The following CXXC5 variants were observed in gnomAD, a reference collection of about 807,000 sequenced individuals.
CXXC5 encodes CXXC-type zinc finger protein 5.
A neutral mutation model predicts 17.6 loss-of-function variants in CXXC5; 2 were observed. The ratio of observed to expected loss-of-function variants is 0.11; its 90% CI spans 0.05 to 0.36. The LOEUF (loss-of-function observed/expected upper bound fraction) is 0.36. Among genes scored for constraint, CXXC5 ranks in the 10% least tolerant of loss-of-function variants. The pLI is 1.00. For synonymous variants in CXXC5, 171 were observed against 193.0 expected (o/e 0.89, Z 0.94); for missense variants, 343 against 458.3 (o/e 0.75, Z 2.30).
At chr5:139,647,580 C>T (rs1343252869), upstream of CXXC5, 1 of 152,234 alleles carries the variant, frequency 6.6e-6, no homozygotes, top group Non-Finnish European at 1.5e-5. Context: ...AGTTTTCCTT[C>T]TGTCTTTCAA....
At chr5:139,651,457 G>A (rs951017039) in intron 1 of CXXC5, among the ~76,000 whole-genome samples, 28 of 152,266 alleles carry the variant, frequency 1.8e-4, no homozygotes, top group Admixed American at 1.6e-3. Context: ...GCCAGCACAG[G>A]CCCATGTTCC....
rs751594483 is a variant in CXXC5, at chr5:139,681,494, G to A, written c.924+47G>A. On this transcript the variant is annotated intron_variant, in intron 2 of 2. Transcript: ENST00000302517. ...GTGTGTGGGCTCTTGTGTCTGTCTGGCAGTCCAAACCCACCCCCATCCCCT... is the reference window on the plus strand; with the variant it reads ...GTGTGTGGGCTCTTGTGTCTGTCTGACAGTCCAAACCCACCCCCATCCCCT... 4 of 1,522,610 alleles carry A rather than the reference G, an allele frequency of 2.6e-6. No homozygotes were observed. The South Asian group carries it at 5.3e-5, about 20-fold the overall frequency. The allele number at this position is 1,522,610 out of a possible 1,614,324, so 94.3% of individuals were successfully genotyped here.
rs1757386238 is a variant in CXXC5, at chr5:139,683,667, G to C, written c.*760G>C. 2.0e-5 allele frequency: 3 copies of C among 152,672 alleles called. No homozygotes were observed. Among genetic ancestry groups the C allele is most frequent in the Middle Eastern group, 6.8e-3 (2 of 294 alleles). 9.5% of individuals were successfully genotyped at this position (152,672 alleles called of 1,614,324 possible). ...TCCAATCCTGGCTACTTTTCTTAGA[G>C]AAAATAAGTCCTTTTTTTCTGGCCT... On this transcript the variant is annotated 3_prime_UTR_variant, in exon 3 of 3. Transcript: ENST00000302517.
chr5:139,673,496 G>A (rs1307795390), intron 1 of CXXC5, among the ~76,000 whole-genome samples: 2 of 152,152 alleles, frequency 1.3e-5, no homozygotes, highest in Non-Finnish European at 2.9e-5. Flanking sequence ...GTGTTGCTGT[G>A]CATGAATGGG....
rs1161464990 is a variant in CXXC5 at position 139,668,206 on chromosome 5, A to C, written c.-160-12158A>C. On this transcript the variant is annotated intron_variant, in intron 1 of 2. Transcript: ENST00000302517. The surrounding 1 kb of genome is among the most constrained non-coding windows in gnomAD (Gnocchi z 4.1). ...TCATTTATGAGGCAAAAATGAAACC[A>C]ATTAAGGACAAACTTTGAAAGCCTC... Among the ~76,000 whole-genome samples, 1 of 152,002 alleles carries C rather than the reference A, an allele frequency of 6.6e-6. No individual in the cohort carries two copies. Among genetic ancestry groups the C allele is most frequent in the Non-Finnish European group, 1.5e-5 (1 of 68,010 alleles).
At chr5:139,667,143 T>C (rs1756153278) in intron 1 of CXXC5, among the ~76,000 whole-genome samples, 1 of 152,216 alleles carries the variant, frequency 6.6e-6, no homozygotes. Flanking sequence ...TCTGTAGTTC[T>C]GGGTTTCTTC....
At chr5:139,680,294 G>C (rs952914578) in intron 1 of CXXC5, 70 bp from the exon 2 acceptor site, 3 of 594,574 alleles carry the variant, frequency 5.0e-6, no homozygotes, top group African/African-American at 3.7e-5. Flanking sequence ...ACCGTTGATA[G>C]TGGCGGTGGT....
chr5:139,661,107 C>T lies in CXXC5; in HGVS notation c.-161+12262C>T, dbSNP rs905085903. Among the ~76,000 whole-genome samples the T allele has an allele frequency of 6.6e-6, 1 of 152,208 alleles. No individual in the cohort carries two copies. The highest frequency in any genetic ancestry group is 2.4e-5 in the African/African-American group (1 of 41,450). On this transcript the variant is annotated intron_variant, in intron 1 of 2. Coordinates refer to ENST00000302517, the MANE Select transcript of CXXC5 (RefSeq NM_016463.9). The surrounding 1 kb of genome is among the most constrained non-coding windows in gnomAD (Gnocchi z 4.7). ...CATGCTCTTCCCCATGCTGCAGCCT[C>T]CCCTTTTCAGAGGCCTGGGGAAGCA...
chr5:139,647,658 A>C (rs1754943387), upstream of CXXC5, among the ~76,000 whole-genome samples: 1 of 152,332 alleles, frequency 6.6e-6, no homozygotes, highest in Non-Finnish European at 1.5e-5. Flanking sequence ...CCATGGTCTC[A>C]GGGCACCAAA....
intron 1 of CXXC5, among the ~76,000 whole-genome samples, chr5:139,666,154 G>T (rs1382120662): frequency 6.6e-6 from 1 of 152,202 alleles, no homozygotes; most frequent in Non-Finnish European, 1.5e-5. Context: ...CCTCCAGCAG[G>T]GTGGAGCAGA....
At chr5:139,652,105 C>T (rs989741125) in intron 1 of CXXC5, among the ~76,000 whole-genome samples, 4 of 151,492 alleles carry the variant, frequency 2.6e-5, no homozygotes, top group Admixed American at 6.6e-5. Flanking sequence ...TTCTGGGGCT[C>T]TCCCTCTCTT....
chr5:139,671,196 G>T (rs532551250), intron 1 of CXXC5, among the ~76,000 whole-genome samples: 2 of 152,246 alleles, frequency 1.3e-5, no homozygotes, highest in South Asian at 4.1e-4. Flanking sequence ...GTGGGATGGG[G>T]CGGGGGGTTC....
chr5:139,656,864 A>G (rs1306181648), intron 1 of CXXC5, among the ~76,000 whole-genome samples: 1 of 152,152 alleles, frequency 6.6e-6, no homozygotes, highest in Non-Finnish European at 1.5e-5. Context: ...AGCTGGGATT[A>G]CAGGTGTGCG....
At chr5:139,676,145 C>T (rs1323429847) in intron 1 of CXXC5, among the ~76,000 whole-genome samples, 2 of 147,298 alleles carry the variant, frequency 1.4e-5, no homozygotes, top group Non-Finnish European at 3.0e-5. Flanking sequence ...CCCCAGCCTC[C>T]TCCCCACCTC....
rs1409997038 is a variant in CXXC5, at chr5:139,668,866, T to C, written c.-160-11498T>C. Among the ~76,000 whole-genome samples, 1 of 151,978 alleles carries C rather than the reference T, an allele frequency of 6.6e-6. No individual in the cohort carries two copies. The highest frequency in any genetic ancestry group is 2.4e-5 in the African/African-American group (1 of 41,388). On this transcript the variant is annotated intron_variant, in intron 1 of 2. Coordinates refer to ENST00000302517, the MANE Select transcript of CXXC5 (RefSeq NM_016463.9). This position sits in a 1 kb window ranked among gnomAD's most constrained non-coding sequence, Gnocchi z 4.1. ...ACAAACACAGTGACCTTATGTAGAG[T>C]CCTTAGCCTCGGTTTCCCCGTTTGT...
In CXXC5 at chr5:139,661,186, C is replaced by A. The variant is rs1048390731; in HGVS notation, c.-161+12341C>A. ...GCCGCGGCTGCCCGCGCCGCCCCCC[C>A]ACCTCTTGCGCTGTCGGCCATCAGC... On this transcript the variant is annotated intron_variant, in intron 1 of 2. Coordinates refer to ENST00000302517, the MANE Select transcript of CXXC5 (RefSeq NM_016463.9). This position sits in a 1 kb window ranked among gnomAD's most constrained non-coding sequence, Gnocchi z 4.7. 2.6e-5 allele frequency among the ~76,000 whole-genome samples: 4 copies of A among 152,230 alleles called. No individual in the cohort carries two copies. The highest frequency in any genetic ancestry group is 4.8e-5 in the African/African-American group (2 of 41,458).
intron 1 of CXXC5, among the ~76,000 whole-genome samples, chr5:139,672,441 T>A (rs888337793): frequency 3.3e-5 from 5 of 152,240 alleles, no homozygotes; most frequent in African/African-American, 1.2e-4. Flanking sequence ...TTTAATGTCC[T>A]CTGGGGAACT....
chr5:139,666,865 G>A (rs775283478), intron 1 of CXXC5, among the ~76,000 whole-genome samples: 31 of 152,202 alleles, frequency 2.0e-4, no homozygotes, highest in Non-Finnish European at 3.7e-4. Context: ...AGTGGGTTTT[G>A]AGAGGGGAGC....
Position 139,680,791 on chromosome 5 carries a change from GGTA to G in CXXC5, c.271_273del (p.Ser91del). 6.2e-7 allele frequency: 1 copy of G among 1,613,176 alleles called. No homozygotes were observed. Among genetic ancestry groups the G allele is most frequent in the South Asian group, 1.1e-5 (1 of 91,084 alleles). ...CTACTCTTCTTTTGGCAGCAGTGGT[GGTA>G]GTGGCGGTGGCAGCATGATGGGCGG... On this transcript the variant is annotated inframe_deletion, in exon 2 of 3. Coordinates refer to ENST00000302517, the MANE Select transcript of CXXC5 (RefSeq NM_016463.9).
Sources: gnomAD v4.1 joint callset for allele counts (sites outside exome capture counted in the v4.1 genomes callset) on GRCh38, gnomAD v4.1.1 for gene constraint, Gnocchi (gnomAD v3.1) non-coding constraint, MANE v1.5 for transcripts, NCBI Gene and HGNC (gene_info 2026-07-23, HGNC 2026-07-21) for gene names.